Variants in NOL4L observed in about 807,000 individuals in gnomAD.
NOL4L encodes nucleolar protein 4 like, also known as nucleolar protein 4-like.
NOL4L carries 7 observed loss-of-function variants against 64.5 expected under a neutral mutation model. That is an observed-to-expected ratio of 0.11 (90% CI 0.06 to 0.20). The LOEUF (loss-of-function observed/expected upper bound fraction) is 0.20. Among genes scored for constraint, NOL4L ranks in the 10% least tolerant of loss-of-function variants. The pLI is 1.00. For synonymous variants in NOL4L, 413 were observed against 401.0 expected (o/e 1.03, Z -0.36); for missense variants, 680 against 967.1 (o/e 0.70, Z 3.94).
chr20:32,465,893 G>A (rs1274495245), intron 5 of NOL4L, among the ~76,000 whole-genome samples: 1 of 152,172 alleles, frequency 6.6e-6, no homozygotes, highest in Non-Finnish European at 1.5e-5. Context: ...AGCTCTGTAT[G>A]TGTCCTGGGC....
At chr20:32,490,765 CAA>C (rs2016434585) in intron 4 of NOL4L, among the ~76,000 whole-genome samples, 1 of 152,180 alleles carries the variant, frequency 6.6e-6, no homozygotes, top group South Asian at 2.1e-4. Flanking sequence ...TTCTCCTTTT[CAA>C]AAAGTCTTGC....
At chr20:32,573,651 G>T in intron 1 of NOL4L, 1 of 221,058 alleles carries the variant, frequency 4.5e-6, no homozygotes, top group South Asian at 6.8e-5. Flanking sequence ...CTGAGGCTCA[G>T]AGAGGGGAAG....
chr20:32,554,461 C>G (rs895303746), intron 1 of NOL4L, among the ~76,000 whole-genome samples: 50 of 152,254 alleles, frequency 3.3e-4, no homozygotes, highest in African/African-American at 1.1e-3. Context: ...CAAACACCTC[C>G]CCAAGAGAAG....
chr20:32,490,858 C>G (rs186065362), intron 4 of NOL4L, among the ~76,000 whole-genome samples: 3 of 152,232 alleles, frequency 2.0e-5, no homozygotes, highest in African/African-American at 7.2e-5. Context: ...CCGGCGGAAT[C>G]GAGTTATAGC....
At chr20:32,566,938 T>C (rs1179120381) in intron 1 of NOL4L, among the ~76,000 whole-genome samples, 1 of 152,210 alleles carries the variant, frequency 6.6e-6, no homozygotes, top group Non-Finnish European at 1.5e-5. Context: ...ACAGAGCAGA[T>C]GCTTGGCAAA....
intron 1 of NOL4L, among the ~76,000 whole-genome samples, chr20:32,539,587 A>G (rs193270168): frequency 6.6e-6 from 1 of 152,226 alleles, no homozygotes; most frequent in East Asian, 1.9e-4. Context: ...TCCTAGCTCC[A>G]TCCTGTCCCA....
intron 5 of NOL4L, among the ~76,000 whole-genome samples, chr20:32,457,626 C>T (rs2013675853): frequency 6.6e-6 from 1 of 152,218 alleles, no homozygotes. Flanking sequence ...GCCCATCATG[C>T]AGCCAGGCCG....
Position 32,474,938 on chromosome 20 carries a change from C to T in NOL4L, c.700-196G>A, listed in dbSNP as rs1600704719. ...AAGTGGCCCCGGCTCTGGTTCCTGT[C>T]GGAAGCCAAGGCTAAGGGCCGGCAC... On this transcript the variant is annotated intron_variant, in intron 4 of 10. Transcript: ENST00000621426. 9 of 985,430 alleles carry T rather than the reference C, an allele frequency of 9.1e-6. No individual in the cohort carries two copies. In the South Asian group the frequency reaches 1.9e-4, roughly 21 times the overall value. 61.0% of individuals were successfully genotyped at this position (985,430 alleles called of 1,614,324 possible). A position where few individuals can be genotyped will look rare whatever the true frequency, so the allele number is the denominator to read the frequency against.
chr20:32,576,163 G>A (rs758484357), intron 1 of NOL4L, among the ~76,000 whole-genome samples: 1 of 152,198 alleles, frequency 6.6e-6, no homozygotes, highest in African/African-American at 2.4e-5. Context: ...CTGGACAGAG[G>A]AGGGAGAGAA....
Position 32,444,597 on chromosome 20 carries a change from G to C in NOL4L, c.*2999C>G, listed in dbSNP as rs968909302. 8 of 152,222 alleles carry C rather than the reference G, an allele frequency of 5.3e-5. No homozygotes were observed. The South Asian group carries it at 1.0e-3, about 20-fold the overall frequency. 9.4% of individuals were successfully genotyped at this position (152,222 alleles called of 1,614,324 possible). A position where few individuals can be genotyped will look rare whatever the true frequency, so the allele number is the denominator to read the frequency against. ...GTGACGGTAAAATGAATTTCAGATG[G>C]GTTACACACACTATCACTTGTCTAC... On this transcript the variant is annotated 3_prime_UTR_variant, in exon 11 of 11. Transcript: ENST00000621426.
chr20:32,478,614 C>T (rs2015545487), intron 4 of NOL4L, among the ~76,000 whole-genome samples: 3 of 152,162 alleles, frequency 2.0e-5, no homozygotes, highest in Non-Finnish European at 4.4e-5. Context: ...ACTGCTATAG[C>T]TTTTTTGAAA....
chr20:32,549,251 T>G (rs1329780224), intron 1 of NOL4L, among the ~76,000 whole-genome samples: 1 of 152,166 alleles, frequency 6.6e-6, no homozygotes, highest in Admixed American at 6.5e-5. Context: ...GAAAAGATTC[T>G]TAAAACTCAA....
intron 3 of NOL4L, 53 bp from the exon 4 acceptor site, chr20:32,511,509 G>A (rs1167936114): frequency 1.6e-6 from 2 of 1,245,374 alleles, no homozygotes; most frequent in East Asian, 2.5e-5. Flanking sequence ...CGGGCCTGTT[G>A]CCCACATGGA....
At chr20:32,462,943 G>C (rs950150685) in intron 5 of NOL4L, among the ~76,000 whole-genome samples, 2 of 134,312 alleles carry the variant, frequency 1.5e-5, no homozygotes, top group East Asian at 5.9e-4. Context: ...AAGAGACATC[G>C]ACAGGCGCAC....
chr20:32,494,213 A>G (rs2016575906), intron 4 of NOL4L, among the ~76,000 whole-genome samples: 1 of 139,448 alleles, frequency 7.2e-6, no homozygotes, highest in African/African-American at 2.8e-5. Context: ...AGATCATGCC[A>G]CTGCACTCCA....
chr20:32,487,184 C>T (rs1034672886), intron 4 of NOL4L, among the ~76,000 whole-genome samples: 28 of 152,248 alleles, frequency 1.8e-4, no homozygotes, highest in African/African-American at 6.7e-4. Context: ...AGGAGAATTG[C>T]TTGAACCCAG....
intron 4 of NOL4L, chr20:32,483,663 G>C (rs1285851859): frequency 9.3e-6 from 1 of 107,240 alleles, no homozygotes; most frequent in Non-Finnish European, 2.0e-5. Context: ...GCGGGGGCGG[G>C]GGGGAGGGGA....
intron 1 of NOL4L, among the ~76,000 whole-genome samples, chr20:32,534,811 G>C (rs888105150): frequency 6.6e-6 from 1 of 151,494 alleles, no homozygotes; most frequent in Admixed American, 6.6e-5. Context: ...AGCCTGGGGA[G>C]GTGTAGGCTG....
intron 4 of NOL4L, among the ~76,000 whole-genome samples, chr20:32,494,276 A>ACC (rs2016591872): frequency 1.2e-5 from 1 of 85,084 alleles, no homozygotes; most frequent in African/African-American, 3.7e-5. Context: ...AAAAAAAAAA[A>ACC]AAAAAACACA....
Sources: allele counts gnomAD v4.1 joint callset (sites outside exome capture counted in the v4.1 genomes callset), GRCh38; gene constraint gnomAD v4.1.1; transcripts MANE v1.5; gene names NCBI Gene and HGNC (gene_info 2026-07-23, HGNC 2026-07-21).